CAPS2: variants seen among roughly 807,000 people sequenced by gnomAD.
The protein encoded by CAPS2 is calcyphosin-2.
A neutral mutation model predicts 86.5 loss-of-function variants in CAPS2; 98 were observed. That is an observed-to-expected ratio of 1.13 (90% CI 0.96 to 1.34). The LOEUF (loss-of-function observed/expected upper bound fraction) is 1.34, where lower values mean the gene tolerates loss of function less well. Among genes scored for constraint, CAPS2 ranks in the 40% most tolerant of loss-of-function variants. The pLI is 0.00. For synonymous variants in CAPS2, 210 were observed against 225.1 expected (o/e 0.93, Z 0.60); for missense variants, 729 against 686.8 (o/e 1.06, Z -0.69).
intron 15 of CAPS2, 106 bp downstream of exon 15, chr12:75,284,855 G>C: frequency 9.3e-7 from 1 of 1,072,260 alleles, no homozygotes; most frequent in Non-Finnish European, 1.3e-6. Context: ...CAACATATAA[G>C]TAAATAGATT....
intron 1 of CAPS2, among the ~76,000 whole-genome samples, chr12:75,367,268 GAAAAAAAAAAAA>G (rs35250320): frequency 2.3e-5 from 2 of 88,738 alleles, no homozygotes; most frequent in Non-Finnish European, 2.1e-5. Flanking sequence ...TTCCTAGGAG[GAAAAAAAAAAAA>G]AAAAAAAAAA....
chr12:75,353,573 G>A (rs951638119), intron 1 of CAPS2, among the ~76,000 whole-genome samples: 2 of 152,166 alleles, frequency 1.3e-5, no homozygotes, highest in African/African-American at 4.8e-5. Flanking sequence ...AGAACAAAGA[G>A]GAGCTGATAC....
chr12:75,372,187 G>C (rs758190531), intron 1 of CAPS2, among the ~76,000 whole-genome samples: 7 of 152,064 alleles, frequency 4.6e-5, no homozygotes, highest in Non-Finnish European at 8.8e-5. Flanking sequence ...GCTAATTTTT[G>C]TATTTTTAGT....
At chr12:75,370,396 A>G in intron 1 of CAPS2, 1 of 382,770 alleles carries the variant, frequency 2.6e-6, no homozygotes, top group Non-Finnish European at 4.7e-6. Context: ...ACAAATCCAT[A>G]TGTGTATCAA....
intron 15 of CAPS2, among the ~76,000 whole-genome samples, chr12:75,283,509 C>T (rs142067278): frequency 6.6e-6 from 1 of 152,026 alleles, no homozygotes; most frequent in Admixed American, 6.6e-5. Context: ...TGACTGGTGT[C>T]TCCTTATAAG....
At chr12:75,364,103 T>C (rs950045586) in intron 1 of CAPS2, among the ~76,000 whole-genome samples, 48 of 152,216 alleles carry the variant, frequency 3.2e-4, no homozygotes, top group Admixed American at 2.8e-3. Context: ...AGAGACTAGA[T>C]TGTAAATGTT....
upstream of CAPS2, chr12:75,330,099 T>C (rs554171726): frequency 2.1e-3 from 825 of 385,782 alleles, 2 homozygotes; most frequent in African/African-American, 7.3e-3. Context: ...GGGCTTCTGA[T>C]TACACTCTGA....
chr12:75,332,102 T>G (rs1298809971), upstream of CAPS2, among the ~76,000 whole-genome samples: 1 of 152,208 alleles, frequency 6.6e-6, no homozygotes, highest in Admixed American at 6.5e-5. Context: ...ATTAAAAACG[T>G]CTCTTAGAAG....
At chr12:75,343,611 A>T in intron 1 of CAPS2, 1 of 1,095,232 alleles carries the variant, frequency 9.1e-7, no homozygotes, top group Non-Finnish European at 1.3e-6. Context: ...AATTTAAGCA[A>T]AACTTAGTTG....
intron 1 of CAPS2, 130 bp from the exon 3 acceptor site, chr12:75,325,418 T>C (rs965828415): frequency 1.3e-6 from 1 of 788,886 alleles, no homozygotes; most frequent in Non-Finnish European, 1.9e-6. Flanking sequence ...ATATAATAAA[T>C]ACTTATTAAG....
chr12:75,296,384 T>C (rs2036881594), intron 11 of CAPS2, among the ~76,000 whole-genome samples: 1 of 151,988 alleles, frequency 6.6e-6, no homozygotes, highest in Non-Finnish European at 1.5e-5. Context: ...CTCCGCCTCC[T>C]GGGTTCACGC....
chr12:75,292,713 T>G (rs1224826082), intron 12 of CAPS2, among the ~76,000 whole-genome samples: 2 of 147,374 alleles, frequency 1.4e-5, no homozygotes, highest in East Asian at 3.9e-4. Context: ...TATTATATAT[T>G]ATATATAATA....
In CAPS2 at chr12:75,278,863, T is replaced by C. The variant is rs578261731; in HGVS notation, c.*27A>G. On this transcript the variant is annotated 3_prime_UTR_variant, in exon 17 of 17. Coordinates refer to ENST00000393284, the Ensembl canonical transcript of CAPS2. ...ATCATCTCTCCAATAAAATGCTTAGTGTTGATGACATATGTATTATTAAAG... is the reference window on the plus strand; with the variant it reads ...ATCATCTCTCCAATAAAATGCTTAGCGTTGATGACATATGTATTATTAAAG... 1.4e-5 allele frequency: 21 copies of C among 1,473,000 alleles called. No individual in the cohort carries two copies. The East Asian group carries it at 4.6e-4, about 33-fold the overall frequency. 91.2% of individuals were successfully genotyped at this position (1,473,000 alleles called of 1,614,324 possible). A position where few individuals can be genotyped will look rare whatever the true frequency, so the allele number is the denominator to read the frequency against.
At chr12:75,385,041 G>C (rs1012250449) in intron 1 of CAPS2, among the ~76,000 whole-genome samples, 5 of 152,174 alleles carry the variant, frequency 3.3e-5, no homozygotes, top group African/African-American at 1.2e-4. Flanking sequence ...AAAGGGCTTA[G>C]TAAAAAGGGG....
intron 1 of CAPS2, among the ~76,000 whole-genome samples, chr12:75,374,256 T>C (rs1446391138): frequency 2.6e-5 from 4 of 152,176 alleles, no homozygotes; most frequent in Admixed American, 6.5e-5. Context: ...CCTTCTCCTA[T>C]TCTAGACCCA....
intron 1 of CAPS2, among the ~76,000 whole-genome samples, chr12:75,370,897 G>T (rs2044316890): frequency 6.6e-6 from 1 of 152,106 alleles, no homozygotes; most frequent in African/African-American, 2.4e-5. Context: ...AATAAATTCA[G>T]TTTTCAAAAT....
intron 1 of CAPS2, among the ~76,000 whole-genome samples, chr12:75,378,870 G>A (rs371401506): frequency 1.3e-5 from 2 of 152,242 alleles, no homozygotes; most frequent in South Asian, 2.1e-4. Flanking sequence ...TGTATATAGA[G>A]TCTTATATTT....
intron 1 of CAPS2, chr12:75,366,757 T>G (rs529689246): frequency 2.0e-5 from 13 of 636,390 alleles, no homozygotes; most frequent in Admixed American, 4.9e-5. Context: ...AATGAGTCAT[T>G]TCCACGCTCT....
intron 7 of CAPS2, among the ~76,000 whole-genome samples, chr12:75,308,435 G>A (rs771973870): frequency 1.3e-5 from 2 of 152,166 alleles, no homozygotes; most frequent in Admixed American, 6.5e-5. Context: ...AGCCACTTGC[G>A]TGGGCTGCTC....
Sources: allele counts gnomAD v4.1 joint callset (sites outside exome capture counted in the v4.1 genomes callset), GRCh38; gene constraint gnomAD v4.1.1; transcripts MANE v1.5; gene names NCBI Gene and HGNC (gene_info 2026-07-23, HGNC 2026-07-21).